ANKRD30A: variants seen among roughly 807,000 people sequenced by gnomAD.
ANKRD30A encodes ankyrin repeat domain 30A.
ANKRD30A carries 170 observed loss-of-function variants against 166.3 expected under a neutral mutation model. That is an observed-to-expected ratio of 1.02 (90% CI 0.90 to 1.16). The LOEUF (loss-of-function observed/expected upper bound fraction) is 1.16, where lower values mean the gene tolerates loss of function less well. Among genes scored for constraint, ANKRD30A ranks in the 50% most tolerant of loss-of-function variants. The pLI, the probability that ANKRD30A is intolerant of heterozygous loss-of-function variation, is 0.00. For synonymous variants in ANKRD30A, 564 were observed against 508.9 expected (o/e 1.11, Z -1.46); for missense variants, 1,630 against 1,518.0 (o/e 1.07, Z -1.23).
intron 19 of ANKRD30A, among the ~76,000 whole-genome samples, chr10:37,167,941 C>T (rs1435221091): frequency 6.5e-5 from 7 of 107,520 alleles, no homozygotes; most frequent in African/African-American, 2.7e-4. Flanking sequence ...TAATGTGTTG[C>T]CTTAAAGACA....
intron 15 of ANKRD30A, among the ~76,000 whole-genome samples, chr10:37,161,421 T>C (rs895015159): frequency 1.3e-5 from 2 of 152,214 alleles, no homozygotes; most frequent in African/African-American, 4.8e-5. Context: ...ATGGGAAGAA[T>C]TCTACAGAGT....
At chr10:37,228,592 A>G (rs1227411782) in intron 34 of ANKRD30A, among the ~76,000 whole-genome samples, 5 of 152,020 alleles carry the variant, frequency 3.3e-5, no homozygotes, top group East Asian at 3.9e-4. Flanking sequence ...GCGCTTCACA[A>G]CTTGCCTCTT....
rs1384118126 is a variant in ANKRD30A at position 37,136,666 on chromosome 10, A to G, written c.815A>G (p.Asn272Ser). The G allele has an allele frequency of 1.4e-6, 2 of 1,420,770 alleles. No homozygotes were observed. The highest frequency in any genetic ancestry group is 1.9e-6 in the Non-Finnish European group (2 of 1,031,254). 88.0% of individuals were successfully genotyped at this position (1,420,770 alleles called of 1,614,324 possible). Residue 272 changes from asparagine (N) to serine (S), a missense_variant, in exon 6 of 36, where the codon AAT (asparagine) becomes AGT (serine). Coordinates refer to ENST00000361713, the MANE Select transcript of ANKRD30A (RefSeq NM_052997.3). ...RKLSKNHQNTNPEGTSAGTPD... is the reference protein window; with the variant it reads ...RKLSKNHQNTSPEGTSAGTPD... ...TTATCTAAAAATCATCAAAATACCAATCCAGGTAAGACTTCTGATAGTAAA... is the reference window on the plus strand; with the variant it reads ...TTATCTAAAAATCATCAAAATACCAGTCCAGGTAAGACTTCTGATAGTAAA...
At chr10:37,147,761 C>T (rs555499057) in intron 9 of ANKRD30A, among the ~76,000 whole-genome samples, 5 of 152,054 alleles carry the variant, frequency 3.3e-5, no homozygotes, top group African/African-American at 1.2e-4. Context: ...AGAGAGAGTA[C>T]AGGGAGTTCA....
chr10:37,201,387 A>C, intron 31 of ANKRD30A, 62 bp downstream of exon 31: 1 of 1,297,816 alleles, frequency 7.7e-7, no homozygotes. Flanking sequence ...ATGATGAGGA[A>C]GGATATGCTC....
At chr10:37,246,674 G>C in the ANKRD30A span, among the ~76,000 whole-genome samples, 1 of 152,160 alleles carries the variant, frequency 6.6e-6, no homozygotes, top group Non-Finnish European at 1.5e-5. Flanking sequence ...GCCTGTGGTA[G>C]ATCTGTTTAC....
chr10:37,149,378 C>T (rs1215982389), intron 9 of ANKRD30A, among the ~76,000 whole-genome samples: 3 of 151,972 alleles, frequency 2.0e-5, no homozygotes, highest in Admixed American at 1.3e-4. Flanking sequence ...TCAGCTTTGA[C>T]ATTTATTTTC....
intron 34 of ANKRD30A, among the ~76,000 whole-genome samples, chr10:37,225,262 A>G (rs1843095982): frequency 6.6e-6 from 1 of 151,724 alleles, no homozygotes; most frequent in South Asian, 2.1e-4. Context: ...TTTTCAAACT[A>G]TGTTACGTCG....
chr10:37,217,908 T>G, intron 33 of ANKRD30A, 30 bp downstream of exon 33: 1 of 1,434,496 alleles, frequency 7.0e-7, no homozygotes, highest in Non-Finnish European at 9.3e-7. Context: ...AAATTTTATA[T>G]TTCTAACTTT....
chr10:37,148,746 A>C (rs1028216781), intron 9 of ANKRD30A, among the ~76,000 whole-genome samples: 42 of 152,202 alleles, frequency 2.8e-4, no homozygotes, highest in African/African-American at 1.0e-3. Context: ...GATGTTAGCT[A>C]TTCAAGTGAG....
chr10:37,131,945 G>C (rs1232303012), intron 3 of ANKRD30A, among the ~76,000 whole-genome samples: 3 of 152,120 alleles, frequency 2.0e-5, no homozygotes, highest in African/African-American at 7.2e-5. Flanking sequence ...AGGATATAGA[G>C]ATAAAAGATA....
In ANKRD30A at chr10:37,149,418, CA is replaced by C. The variant is rs768170745; in HGVS notation, c.1544-231del. Reference sequence around the variant, plus strand: ...ATCAACCCTTTTTACACGTGAAACACAATCTCGCTTTGAAGTCTTAACTGCA... The same window carrying C: ...ATCAACCCTTTTTACACGTGAAACACATCTCGCTTTGAAGTCTTAACTGCA... On this transcript the variant is annotated intron_variant, in intron 9 of 35. Coordinates refer to ENST00000361713, the MANE Select transcript of ANKRD30A (RefSeq NM_052997.3). Among the ~76,000 whole-genome samples, 4 of 152,196 alleles carry C rather than the reference CA, an allele frequency of 2.6e-5. No individual in the cohort carries two copies. The East Asian group carries it at 7.7e-4, about 29-fold the overall frequency.
the ANKRD30A span, among the ~76,000 whole-genome samples, chr10:37,254,609 T>C: frequency 6.6e-6 from 1 of 152,036 alleles, no homozygotes; most frequent in Non-Finnish European, 1.5e-5. Context: ...TTTAGATACA[T>C]ATTTCTAATC....
At chr10:37,205,287 A>G (rs1043233360) in intron 31 of ANKRD30A, among the ~76,000 whole-genome samples, 2 of 152,126 alleles carry the variant, frequency 1.3e-5, no homozygotes, top group Admixed American at 1.3e-4. Context: ...GGATGTGTTC[A>G]TATCCTTTGT....
intron 34 of ANKRD30A, among the ~76,000 whole-genome samples, chr10:37,231,208 A>G (rs947643073): frequency 2.0e-5 from 3 of 151,952 alleles, no homozygotes; most frequent in Non-Finnish European, 2.9e-5. Context: ...CTACATAGTG[A>G]AATAGTCATG....
chr10:37,153,422 G>C, intron 12 of ANKRD30A, 150 bp from the exon 13 acceptor site: 2 of 1,180,266 alleles, frequency 1.7e-6, no homozygotes, highest in South Asian at 3.2e-5. Context: ...ATCAAAATGT[G>C]TTGGTTTTCT....
chr10:37,206,857 T>A (rs186988518), intron 31 of ANKRD30A, among the ~76,000 whole-genome samples: 44 of 149,302 alleles, frequency 2.9e-4, no homozygotes, highest in African/African-American at 9.1e-4. Flanking sequence ...TCAGACTGAT[T>A]TTAGAAACAA....
intron 25 of ANKRD30A, among the ~76,000 whole-genome samples, chr10:37,191,611 A>C (rs1349298594): frequency 6.6e-6 from 1 of 151,946 alleles, no homozygotes; most frequent in African/African-American, 2.4e-5. Flanking sequence ...CACTTTTTGC[A>C]AAAATCATAT....
chr10:37,205,176 A>G (rs949609011), intron 31 of ANKRD30A, among the ~76,000 whole-genome samples: 2 of 152,200 alleles, frequency 1.3e-5, no homozygotes, highest in Non-Finnish European at 2.9e-5. Flanking sequence ...ACTCTTCACA[A>G]TAGCAAAGAC....
Sources: gnomAD v4.1 joint callset for allele counts (sites outside exome capture counted in the v4.1 genomes callset) on GRCh38, gnomAD v4.1.1 for gene constraint, MANE v1.5 for transcripts, NCBI Gene and HGNC (gene_info 2026-07-23, HGNC 2026-07-21) for gene names.